Variants in MSL2 observed in about 807,000 individuals in gnomAD.
The protein encoded by MSL2 is E3 ubiquitin-protein ligase MSL2.
In MSL2, 2 loss-of-function variants were observed where a neutral mutation model predicts 35.8. The observed-to-expected ratio is 0.06, with a 90% CI of 0.02 to 0.18. The LOEUF is 0.18. MSL2 is among the 10% of genes least tolerant of loss of function. The probability of loss-of-function intolerance (pLI) is 1.00; values close to 1 mark genes in which losing one functional copy is unlikely to be tolerated. For missense variants in MSL2, 523 were observed against 706.7 expected (o/e 0.74, Z 2.95); for synonymous variants, 296 against 255.7 (o/e 1.16, Z -1.50).
chr3:136,181,433 CACATT>C (rs1367939447), intron 1 of MSL2, among the ~76,000 whole-genome samples: 2 of 152,272 alleles, frequency 1.3e-5, no homozygotes, highest in Middle Eastern at 3.4e-3. Flanking sequence ...GACATCTCTT[CACATT>C]ACCTCATTTT....
intron 1 of MSL2, among the ~76,000 whole-genome samples, chr3:136,177,866 A>C (rs1022908214): frequency 2.0e-5 from 3 of 152,174 alleles, no homozygotes; most frequent in African/African-American, 7.2e-5. Flanking sequence ...AAGAACAGTT[A>C]AACACTGTAA....
chr3:136,161,696 G>C (rs1559960557), intron 1 of MSL2, among the ~76,000 whole-genome samples: 2 of 152,146 alleles, frequency 1.3e-5, no homozygotes, highest in Non-Finnish European at 2.9e-5. Flanking sequence ...GCTGAGAGTG[G>C]AGCAGTCATT....
intron 1 of MSL2, among the ~76,000 whole-genome samples, chr3:136,190,619 A>G (rs1357629892): frequency 6.6e-6 from 1 of 151,976 alleles, no homozygotes; most frequent in Non-Finnish European, 1.5e-5. Context: ...CAAGAATAGT[A>G]TTTTTCCATT....
intron 1 of MSL2, among the ~76,000 whole-genome samples, chr3:136,187,978 G>C (rs554323478): frequency 6.6e-6 from 1 of 152,238 alleles, no homozygotes; most frequent in Non-Finnish European, 1.5e-5. Flanking sequence ...TCTACAGGGT[G>C]AATGTCACAT....
At chr3:136,176,216 A>G (rs1940168828) in intron 1 of MSL2, among the ~76,000 whole-genome samples, 4 of 152,162 alleles carry the variant, frequency 2.6e-5, no homozygotes, top group Admixed American at 2.0e-4. Flanking sequence ...ACTTCTTTTA[A>G]AACTTTTCAG....
intron 1 of MSL2, among the ~76,000 whole-genome samples, chr3:136,153,671 T>A (rs1939437888): frequency 1.3e-5 from 2 of 151,832 alleles, no homozygotes; most frequent in African/African-American, 4.8e-5. Context: ...GCACCTGTAG[T>A]CCCAGCTGCT....
chr3:136,166,421 G>A (rs1388255437), intron 1 of MSL2, among the ~76,000 whole-genome samples: 1 of 151,640 alleles, frequency 6.6e-6, no homozygotes, highest in African/African-American at 2.4e-5. Flanking sequence ...CCCAGAAAGG[G>A]GCTTTAATTC....
intron 1 of MSL2, among the ~76,000 whole-genome samples, chr3:136,179,413 G>A (rs989594108): frequency 6.6e-6 from 1 of 152,084 alleles, no homozygotes; most frequent in Non-Finnish European, 1.5e-5. Flanking sequence ...GAACTCCTGG[G>A]CTCAAGCAAT....
intron 1 of MSL2, chr3:136,194,438 C>A: frequency 1.0e-6 from 1 of 985,518 alleles, no homozygotes. Flanking sequence ...CCCCGGCTCG[C>A]TGTTAACCGT....
At chr3:136,171,249 G>A (rs1940019321) in intron 1 of MSL2, among the ~76,000 whole-genome samples, 3 of 152,130 alleles carry the variant, frequency 2.0e-5, no homozygotes, top group Admixed American at 6.5e-5. Context: ...ACAGGTTAGT[G>A]TGCAGAAAAC....
At chr3:136,183,602 T>C (rs985395512) in intron 1 of MSL2, among the ~76,000 whole-genome samples, 1 of 152,160 alleles carries the variant, frequency 6.6e-6, no homozygotes, top group East Asian at 1.9e-4. Context: ...TTTGTATTTG[T>C]TGTAGAGGCA....
intron 1 of MSL2, among the ~76,000 whole-genome samples, chr3:136,191,775 TAA>T (rs761041072): frequency 3.3e-5 from 5 of 152,130 alleles, no homozygotes; most frequent in African/African-American, 4.8e-5. Flanking sequence ...CCTGTTTCAA[TAA>T]AAAGTTTTTT....
chr3:136,179,587 A>G (rs1030667401), intron 1 of MSL2, among the ~76,000 whole-genome samples: 2 of 152,234 alleles, frequency 1.3e-5, no homozygotes, highest in African/African-American at 4.8e-5. Flanking sequence ...TTCCACAGTA[A>G]TAAGAACTCC....
Position 136,195,684 on chromosome 3 carries a change from T to C in MSL2, c.-571A>G, listed in dbSNP as rs1371550490. 2 of 985,042 alleles carry C rather than the reference T, an allele frequency of 2.0e-6. No homozygotes were observed. The highest frequency in any genetic ancestry group is 3.5e-5 in the African/African-American group (2 of 57,106). The allele number at this position is 985,042 out of a possible 1,614,324, so 61.0% of individuals were successfully genotyped here. A position where few individuals can be genotyped will look rare whatever the true frequency, so the allele number is the denominator to read the frequency against. Reference sequence around the variant, plus strand: ...AAGACGCCGCGGCGGCGACGAAGGTTGATGTTGCGGCTGGCGGACGCCGCC... The same window carrying C: ...AAGACGCCGCGGCGGCGACGAAGGTCGATGTTGCGGCTGGCGGACGCCGCC... On this transcript the variant is annotated 5_prime_UTR_variant, in exon 1 of 2. Transcript: ENST00000309993.
At chr3:136,180,198 A>T (rs1035050173) in intron 1 of MSL2, among the ~76,000 whole-genome samples, 5 of 152,158 alleles carry the variant, frequency 3.3e-5, no homozygotes, top group Non-Finnish European at 7.4e-5. Flanking sequence ...TGGACTTCTT[A>T]TGTTTCCGAC....
intron 1 of MSL2, 49 bp downstream of exon 1, chr3:136,194,923 A>C (rs754038944): frequency 4.8e-5 from 77 of 1,611,618 alleles, no homozygotes; most frequent in Non-Finnish European, 6.2e-5. Context: ...ACTGCCCAGA[A>C]GGCTTTTAAA....
At position 136,182,912 on chromosome 3, in the gene MSL2, A is replaced by T. The variant is rs117445686; in HGVS notation, c.142+12060T>A. On this transcript the variant is annotated intron_variant, in intron 1 of 1. Transcript: ENST00000309993. ...CCACTACCCAAAGTGAGAATCTCACAAGGCATCAGATGAGTAGTCAGAAGG... is the reference window on the plus strand; with the variant it reads ...CCACTACCCAAAGTGAGAATCTCACTAGGCATCAGATGAGTAGTCAGAAGG... Among the ~76,000 whole-genome samples, 18 of 152,322 alleles carry T rather than the reference A, an allele frequency of 1.2e-4. No homozygotes were observed. In the East Asian group the frequency reaches 3.5e-3, roughly 29 times the overall value.
intron 1 of MSL2, among the ~76,000 whole-genome samples, chr3:136,191,957 C>T (rs1015145357): frequency 4.6e-5 from 7 of 152,162 alleles, no homozygotes; most frequent in Admixed American, 1.3e-4. Context: ...TCACCTCTTC[C>T]TCTGAGGCTG....
At chr3:136,155,105 G>C (rs1939481185) in intron 1 of MSL2, among the ~76,000 whole-genome samples, 1 of 151,982 alleles carries the variant, frequency 6.6e-6, no homozygotes, top group Non-Finnish European at 1.5e-5. Flanking sequence ...CTACTCGGGG[G>C]AGCTGAGGCA....
Sources: gnomAD v4.1 joint callset for allele counts (sites outside exome capture counted in the v4.1 genomes callset) on GRCh38, gnomAD v4.1.1 for gene constraint, MANE v1.5 for transcripts, NCBI Gene and HGNC (gene_info 2026-07-23, HGNC 2026-07-21) for gene names.